The following ACSF3 variants were observed in gnomAD, a reference collection of about 807,000 sequenced individuals.
ACSF3 encodes the protein acyl-CoA synthetase family member 3, also known as malonate--CoA ligase ACSF3, mitochondrial.
ACSF3 carries 78 observed loss-of-function variants against 53.2 expected under a neutral mutation model. The observed-to-expected ratio is 1.47, with a 90% CI of 1.22 to 1.77. The LOEUF is 1.77. Among genes scored for constraint, ACSF3 ranks in the 40% most tolerant of loss-of-function variants. The pLI, the probability that ACSF3 is intolerant of heterozygous loss-of-function variation, is 0.00. For synonymous variants in ACSF3, 414 were observed against 333.1 expected, an observed-to-expected ratio of 1.24 and a Z score of -2.65; for missense variants, 937 against 771.1, an observed-to-expected ratio of 1.22 and a Z score of -2.55.
chr16:89,141,396 G>A (rs1478971631), intron 8 of ACSF3: 7 of 1,101,446 alleles, frequency 6.4e-6, no homozygotes, highest in South Asian at 5.6e-5. Flanking sequence ...CAAGCTCAGG[G>A]CTGGGAGGGA....
intron 1 of ACSF3, among the ~76,000 whole-genome samples, chr16:89,096,483 G>C (rs914813757): frequency 1.3e-5 from 2 of 152,172 alleles, no homozygotes; most frequent in African/African-American, 4.8e-5. Context: ...TGACCGTGAA[G>C]ATTCAACCTC....
At chr16:89,109,947 T>G (rs1327521284) in intron 4 of ACSF3, among the ~76,000 whole-genome samples, 1 of 152,174 alleles carries the variant, frequency 6.6e-6, no homozygotes, top group Non-Finnish European at 1.5e-5. Context: ...TAATGAAATC[T>G]TTGGCCATTT....
At chr16:89,134,641 G>A (rs749123493) in intron 8 of ACSF3, among the ~76,000 whole-genome samples, 19 of 152,218 alleles carry the variant, frequency 1.2e-4, no homozygotes, top group Admixed American at 7.9e-4. Context: ...GAGGGCAGCC[G>A]TTGCCAGGTT....
At chr16:89,094,075 GC>G (rs1458198563) in intron 1 of ACSF3, 79 bp downstream of exon 1, 1 of 151,008 alleles carries the variant, frequency 6.6e-6, no homozygotes, top group Non-Finnish European at 1.5e-5. Flanking sequence ...TCCGGCGCCC[GC>G]CCCTGGGTCG....
At chr16:89,099,568 G>A (rs559412017) in intron 2 of ACSF3, among the ~76,000 whole-genome samples, 2 of 152,162 alleles carry the variant, frequency 1.3e-5, no homozygotes, top group Non-Finnish European at 2.9e-5. Flanking sequence ...ATCACCGGAG[G>A]TCAGGAGTTG....
At chr16:89,133,877 C>A (rs541010998) in intron 8 of ACSF3, among the ~76,000 whole-genome samples, 1 of 152,236 alleles carries the variant, frequency 6.6e-6, no homozygotes, top group African/African-American at 2.4e-5. Context: ...AAGCCTGTGG[C>A]GGTCAGGAGA....
At chr16:89,109,403 C>G (rs978918378) in intron 4 of ACSF3, among the ~76,000 whole-genome samples, 3 of 50,648 alleles carry the variant, frequency 5.9e-5, no homozygotes, top group African/African-American at 2.4e-4. Context: ...TGATGTTAAG[C>G]TTTTTTTTTT....
At chr16:89,135,771 A>G (rs1204509347) in intron 8 of ACSF3, among the ~76,000 whole-genome samples, 1 of 152,072 alleles carries the variant, frequency 6.6e-6, no homozygotes, top group East Asian at 1.9e-4. Flanking sequence ...CAGTTGTTTT[A>G]TTTATTTAGT....
intron 7 of ACSF3, among the ~76,000 whole-genome samples, chr16:89,130,194 A>C (rs770549531): frequency 7.2e-5 from 11 of 152,198 alleles, no homozygotes; most frequent in Non-Finnish European, 1.5e-4. Flanking sequence ...CTCATCTAAG[A>C]ATGTCTTTAT....
chr16:89,114,179 C>T (rs1403960087), intron 5 of ACSF3, 160 bp from the exon 6 acceptor site: 5 of 909,794 alleles, frequency 5.5e-6, no homozygotes, highest in East Asian at 2.6e-5. Context: ...TCCCGGGTGT[C>T]GCACAGTGGT....
intron 10 of ACSF3, chr16:89,150,597 CAG>C (rs1233993688): frequency 5.2e-5 from 12 of 231,040 alleles, no homozygotes; most frequent in Non-Finnish European, 1.0e-4. Context: ...TGGGCTATGA[CAG>C]TGGCTGTGAC....
At position 89,155,902 on chromosome 16, in the gene ACSF3, C is replaced by T. The variant is rs753294219; in HGVS notation, c.*1695C>T. On this transcript the variant is annotated 3_prime_UTR_variant, in exon 11 of 11. Coordinates refer to ENST00000614302, the MANE Select transcript of ACSF3 (RefSeq NM_001243279.3). ...TGAGTGTAACTTTCTGCTGACAATA[C>T]TACAAACTACAGAAAGCCTGGAGCT... 8 of 384,438 alleles carry T rather than the reference C, an allele frequency of 2.1e-5. No homozygotes were observed. The highest frequency in any genetic ancestry group is 3.6e-5 in the Non-Finnish European group (7 of 195,352). 23.8% of individuals were successfully genotyped at this position (384,438 alleles called of 1,614,324 possible).
chr16:89,155,157 A>G lies in ACSF3; in HGVS notation c.*950A>G, dbSNP rs1260229774. 2.2e-6 allele frequency: 1 copy of G among 454,188 alleles called. No individual in the cohort carries two copies. The highest frequency in any genetic ancestry group is 1.6e-5 in the South Asian group (1 of 64,476). The allele number at this position is 454,188 out of a possible 1,614,324, so 28.1% of individuals were successfully genotyped here. On this transcript the variant is annotated 3_prime_UTR_variant, in exon 11 of 11. Coordinates refer to ENST00000614302, the MANE Select transcript of ACSF3 (RefSeq NM_001243279.3). ...GCCAATTCAGATGCACAGGGGCCAC[A>G]TGCAGAATCCAGAAGTTTCTGGACA...
chr16:89,114,884 G>A (rs927830066), intron 6 of ACSF3: 5 of 351,132 alleles, frequency 1.4e-5, no homozygotes, highest in Admixed American at 7.7e-5. Context: ...GCCACACAGC[G>A]CCAGCAGCAG....
chr16:89,098,801 C>T (rs1388387350), intron 2 of ACSF3, 38 bp downstream of exon 2: 8 of 454,104 alleles, frequency 1.8e-5, no homozygotes, highest in African/African-American at 2.0e-5. Flanking sequence ...TTTCTGTGTG[C>T]GAACAAGTGG....
chr16:89,105,210 C>T (rs1328619830), intron 4 of ACSF3, among the ~76,000 whole-genome samples: 1 of 152,148 alleles, frequency 6.6e-6, no homozygotes, highest in Non-Finnish European at 1.5e-5. Context: ...AGCTGCGACA[C>T]AGCAGTCTGT....
intron 8 of ACSF3, among the ~76,000 whole-genome samples, chr16:89,142,188 G>C (rs1345721747): frequency 6.6e-6 from 1 of 152,032 alleles, no homozygotes; most frequent in Admixed American, 6.5e-5. Context: ...GGCTATCACT[G>C]AGAAGCAGGG....
chr16:89,131,911 A>C (rs1428745482), intron 7 of ACSF3, among the ~76,000 whole-genome samples: 4 of 152,248 alleles, frequency 2.6e-5, no homozygotes, highest in African/African-American at 7.2e-5. Flanking sequence ...CATGTGGGGC[A>C]GGTGTTTCAC....
intron 2 of ACSF3, among the ~76,000 whole-genome samples, chr16:89,099,186 G>A (rs1376984000): frequency 2.0e-5 from 3 of 152,232 alleles, no homozygotes; most frequent in Non-Finnish European, 2.9e-5. Context: ...GCCTGTGTCC[G>A]CATCCTGGGG....
Sources: allele counts gnomAD v4.1 joint callset (sites outside exome capture counted in the v4.1 genomes callset), GRCh38; gene constraint gnomAD v4.1.1; transcripts MANE v1.5; gene names NCBI Gene and HGNC (gene_info 2026-07-23, HGNC 2026-07-21).